Variants in HS3ST1 observed in about 807,000 individuals in gnomAD.
The protein encoded by HS3ST1 is heparan sulfate-glucosamine 3-sulfotransferase 1, also known as heparan sulfate glucosamine 3-O-sulfotransferase 1.
A neutral mutation model predicts 20.7 loss-of-function variants in HS3ST1; 8 were observed. The observed-to-expected ratio is 0.39, with a 90% CI of 0.23 to 0.70. HS3ST1 has a LOEUF of 0.70. Ranked by LOEUF, HS3ST1 falls within the 30% of genes least tolerant of loss-of-function variation. The pLI, the probability that HS3ST1 is intolerant of heterozygous loss-of-function variation, is 0.46. For synonymous variants in HS3ST1, 205 were observed against 190.4 expected (o/e 1.08, Z -0.63); for missense variants, 436 against 423.4 (o/e 1.03, Z -0.26).
chr4:11,419,834 T>TA (rs1335104777), intron 1 of HS3ST1, among the ~76,000 whole-genome samples: 3 of 151,662 alleles, frequency 2.0e-5, no homozygotes, highest in Admixed American at 6.6e-5. Context: ...TGGCATCCTT[T>TA]AAAAAAAAAT....
Position 11,417,165 on chromosome 4 carries a change from A to T in HS3ST1, c.-109+11534T>A, listed in dbSNP as rs540302864. Reference sequence around the variant, plus strand: ...ATTTAAAAAAACAAAAACTGAAAGGACAGCCAGCTTTCCAGCACCCACTAT... The same window carrying T: ...ATTTAAAAAAACAAAAACTGAAAGGTCAGCCAGCTTTCCAGCACCCACTAT... On this transcript the variant is annotated intron_variant, in intron 1 of 1. Coordinates refer to ENST00000002596, the MANE Select transcript of HS3ST1 (RefSeq NM_005114.4). Among the ~76,000 whole-genome samples, 106 of 152,342 alleles carry T rather than the reference A, an allele frequency of 7.0e-4. 1 individual carries two copies. The highest frequency in any genetic ancestry group is 2.3e-3 in the African/African-American group (97 of 41,580).
intron 1 of HS3ST1, among the ~76,000 whole-genome samples, chr4:11,422,015 A>C (rs1433301049): frequency 6.6e-6 from 1 of 152,238 alleles, no homozygotes; most frequent in Non-Finnish European, 1.5e-5. Context: ...ATGTGAAAGT[A>C]AGGAATTATC....
intron 1 of HS3ST1, among the ~76,000 whole-genome samples, chr4:11,406,703 GA>G (rs1718474522): frequency 6.6e-6 from 1 of 152,174 alleles, no homozygotes. Flanking sequence ...AGGCAAGGGA[GA>G]GCTTACTTAA....
At chr4:11,429,274 C>A (rs1249976725), upstream of HS3ST1, 1 of 152,482 alleles carries the variant, frequency 6.6e-6, no homozygotes, top group Non-Finnish European at 1.5e-5. Flanking sequence ...ACTGCAAACA[C>A]GGGACGTCCC....
intron 1 of HS3ST1, among the ~76,000 whole-genome samples, chr4:11,421,201 A>G (rs942270857): frequency 6.6e-6 from 1 of 152,224 alleles, no homozygotes; most frequent in African/African-American, 2.4e-5. Flanking sequence ...AAAAAAACCG[A>G]GGCCCAGAAA....
intron 1 of HS3ST1, among the ~76,000 whole-genome samples, chr4:11,423,669 C>G (rs1718991223): frequency 6.6e-6 from 1 of 152,148 alleles, no homozygotes; most frequent in South Asian, 2.1e-4. Context: ...ATGGCTGGAA[C>G]TCAATAAACG....
Position 11,399,343 on chromosome 4 carries a change from G to A in HS3ST1, c.663C>T (p.Ile221=), listed in dbSNP as rs1271724104. 3 of 1,614,002 alleles carry A rather than the reference G, an allele frequency of 1.9e-6. No homozygotes were observed. The highest frequency in any genetic ancestry group is 1.1e-5 in the South Asian group (1 of 91,088). Residue 221 remains isoleucine (I), a synonymous_variant, in exon 2 of 2, where the codon ATC becomes ATT. Coordinates refer to ENST00000002596, the MANE Select transcript of HS3ST1 (RefSeq NM_005114.4). The surrounding 1 kb of genome is among the most constrained non-coding windows in gnomAD (Gnocchi z 5.1). Reference sequence around the variant, plus strand: ...TTTGGATCTCAGGGAAGGGGTCCCTGATGAGGCGGTCGCCGTCCACAATGT... The same window carrying A: ...TTTGGATCTCAGGGAAGGGGTCCCTAATGAGGCGGTCGCCGTCCACAATGT... ...HIHIVDGDRL[I]RDPFPEIQKV...
chr4:11,424,055 A>C (rs1339766749), intron 1 of HS3ST1, among the ~76,000 whole-genome samples: 4 of 151,638 alleles, frequency 2.6e-5, no homozygotes, highest in African/African-American at 7.3e-5. Flanking sequence ...AAAAAAAAAA[A>C]AAACATAACC....
chr4:11,401,841 C>T (rs1239178224), intron 1 of HS3ST1, among the ~76,000 whole-genome samples: 2 of 152,208 alleles, frequency 1.3e-5, no homozygotes, highest in East Asian at 3.8e-4. Context: ...GAACTGCTGG[C>T]CTAGATGCTG....
chr4:11,427,861 G>C (rs1194077178), intron 1 of HS3ST1, among the ~76,000 whole-genome samples: 3 of 152,220 alleles, frequency 2.0e-5, no homozygotes, highest in African/African-American at 7.2e-5. Context: ...TCTGTCCTCC[G>C]CTTCCTGGGA....
chr4:11,416,025 G>T (rs2108887332), intron 1 of HS3ST1, among the ~76,000 whole-genome samples: 1 of 152,276 alleles, frequency 6.6e-6, no homozygotes. Context: ...TGCCTTCCTG[G>T]TTGGGGAAGG....
upstream of HS3ST1, among the ~76,000 whole-genome samples, chr4:11,431,232 TAA>T (rs77643058): frequency 2.2e-5 from 3 of 137,836 alleles, no homozygotes; most frequent in Non-Finnish European, 3.1e-5. Flanking sequence ...ACTATGCTCT[TAA>T]AAAAAAAAAA....
At chr4:11,405,218 C>A (rs895250394) in intron 1 of HS3ST1, among the ~76,000 whole-genome samples, 1 of 152,186 alleles carries the variant, frequency 6.6e-6, no homozygotes, top group Non-Finnish European at 1.5e-5. Context: ...CCCAGCTACC[C>A]CTCCATTTAC....
intron 1 of HS3ST1, among the ~76,000 whole-genome samples, chr4:11,422,189 T>G (rs1474727629): frequency 6.6e-6 from 1 of 152,234 alleles, no homozygotes; most frequent in Non-Finnish European, 1.5e-5. Context: ...CTATGCAATT[T>G]TGACTACGTC....
In HS3ST1 at chr4:11,398,702, T is replaced by C. The variant is rs538612870; in HGVS notation, c.*380A>G. The stretch of plus-strand genomic sequence containing the variant: ...GCCATGAAAAACATGTTTTTTTAAG[T>C]AACAAAAGAATTTAGATTTTGCAAT... On this transcript the variant is annotated 3_prime_UTR_variant, in exon 2 of 2. Transcript: ENST00000002596. 1 of 159,610 alleles carries C rather than the reference T, an allele frequency of 6.3e-6. No homozygotes were observed. The highest frequency in any genetic ancestry group is 1.4e-5 in the Non-Finnish European group (1 of 73,554). The allele number at this position is 159,610 out of a possible 1,614,324, so 9.9% of individuals were successfully genotyped here.
chr4:11,417,608 A>C (rs1412760946), intron 1 of HS3ST1, among the ~76,000 whole-genome samples: 1 of 152,166 alleles, frequency 6.6e-6, no homozygotes, highest in Non-Finnish European at 1.5e-5. Flanking sequence ...TAATATTATG[A>C]GTAATGGAAA....
chr4:11,412,257 A>G (rs1231465414), intron 1 of HS3ST1, among the ~76,000 whole-genome samples: 1 of 152,176 alleles, frequency 6.6e-6, no homozygotes, highest in Non-Finnish European at 1.5e-5. Context: ...CTTCCATGTG[A>G]TGGTCAGCAA....
chr4:11,432,552 A>G (rs1012906824), upstream of HS3ST1, among the ~76,000 whole-genome samples: 9 of 152,254 alleles, frequency 5.9e-5, no homozygotes, highest in Non-Finnish European at 1.3e-4. Flanking sequence ...GAAAAAGATC[A>G]TCTGTAAAAC....
intron 1 of HS3ST1, among the ~76,000 whole-genome samples, chr4:11,402,708 G>A (rs1265610827): frequency 6.6e-6 from 1 of 152,104 alleles, no homozygotes; most frequent in Non-Finnish European, 1.5e-5. Flanking sequence ...TCAGACTCAG[G>A]GAACAACACA....
Sources: allele counts gnomAD v4.1 joint callset (sites outside exome capture counted in the v4.1 genomes callset), GRCh38; gene constraint gnomAD v4.1.1; non-coding constraint Gnocchi (gnomAD v3.1); transcripts MANE v1.5; gene names NCBI Gene and HGNC (gene_info 2026-07-23, HGNC 2026-07-21).